Variants in TNRC6A observed in about 807,000 individuals in gnomAD.
TNRC6A encodes trinucleotide repeat containing adaptor 6A.
Under a neutral mutation model 221.2 loss-of-function variants are expected in TNRC6A, and 44 were observed. The ratio of observed to expected loss-of-function variants is 0.20; its 90% CI spans 0.16 to 0.26. TNRC6A has a LOEUF of 0.26. Ranked by LOEUF, TNRC6A falls within the 10% of genes least tolerant of loss-of-function variation. The pLI is 1.00. For synonymous variants in TNRC6A, 847 were observed against 838.5 expected, an observed-to-expected ratio of 1.01 and a Z score of -0.18; for missense variants, 2,199 against 2,404.4, an observed-to-expected ratio of 0.91 and a Z score of 1.79.
upstream of TNRC6A, among the ~76,000 whole-genome samples, chr16:24,727,134 A>T (rs2056505675): frequency 6.8e-6 from 1 of 147,980 alleles, no homozygotes; most frequent in African/African-American, 2.5e-5. Context: ...GGTTCAAGCG[A>T]TTCTCCTGCC....
intron 4 of TNRC6A, among the ~76,000 whole-genome samples, chr16:24,772,888 T>A (rs1349078509): frequency 6.6e-6 from 1 of 152,238 alleles, no homozygotes; most frequent in Non-Finnish European, 1.5e-5. Flanking sequence ...CTATGTAAAC[T>A]AGCTAATCTG....
intron 3 of TNRC6A, 29 bp from the exon 4 acceptor site, chr16:24,758,310 T>G (rs1195833322): frequency 1.3e-6 from 2 of 1,594,604 alleles, no homozygotes; most frequent in Non-Finnish European, 1.7e-6. Flanking sequence ...ATATTTACAT[T>G]GTTTTTTGTT....
intron 6 of TNRC6A, among the ~76,000 whole-genome samples, chr16:24,792,785 AT>A (rs34453471): frequency 0.24 from 28,976 of 120,360 alleles, 2,952 homozygotes; most frequent in African/African-American, 0.32. Context: ...TTGTGGCACA[AT>A]TTTTTTTTTT....
At chr16:24,758,957 A>G (rs1259249805) in intron 4 of TNRC6A, among the ~76,000 whole-genome samples, 2 of 152,138 alleles carry the variant, frequency 1.3e-5, no homozygotes, top group Non-Finnish European at 2.9e-5. Flanking sequence ...TCACCCTCCC[A>G]GGAGCTACTT....
At chr16:24,820,103 A>T in intron 21 of TNRC6A, 36 bp from the exon 22 acceptor site, 2 of 1,562,662 alleles carry the variant, frequency 1.3e-6, no homozygotes, top group African/African-American at 1.4e-5. Flanking sequence ...CTTAAACATT[A>T]TTCCTCCCCT....
chr16:24,722,583 G>T (rs1013562843), intron 2 of TNRC6A, among the ~76,000 whole-genome samples: 5 of 151,902 alleles, frequency 3.3e-5, no homozygotes, highest in Admixed American at 6.6e-5. Context: ...ACAGGCACCC[G>T]CCACCACACC....
intron 4 of TNRC6A, among the ~76,000 whole-genome samples, chr16:24,761,632 A>G (rs2057365797): frequency 6.6e-6 from 1 of 151,692 alleles, no homozygotes; most frequent in Non-Finnish European, 1.5e-5. Context: ...TGCGGCCTTG[A>G]ACTTTTGGGC....
chr16:24,794,879 A>G (rs1422429471), intron 8 of TNRC6A, among the ~76,000 whole-genome samples, 160 bp downstream of exon 8: 3 of 152,166 alleles, frequency 2.0e-5, no homozygotes, highest in African/African-American at 4.8e-5. Flanking sequence ...CTAGAGAAAC[A>G]TAAGAAAGAC....
chr16:24,646,212 T>C (rs751541113), intron 2 of TNRC6A, among the ~76,000 whole-genome samples: 4 of 152,194 alleles, frequency 2.6e-5, no homozygotes, highest in Non-Finnish European at 5.9e-5. Flanking sequence ...AAAACTTAAG[T>C]CACACTGCCA....
chr16:24,712,907 C>CTGTGTGTGTGTGTGTGTGTG (rs61198955), intron 2 of TNRC6A, among the ~76,000 whole-genome samples: 2 of 126,776 alleles, frequency 1.6e-5, no homozygotes, highest in East Asian at 3.0e-4. Flanking sequence ...TTATGTGCCA[C>CTGTGTGTGTGTGTGTGTGTG]TGTGTGTGTG....
intron 2 of TNRC6A, among the ~76,000 whole-genome samples, chr16:24,734,979 A>G (rs919652028): frequency 5.9e-5 from 9 of 152,344 alleles, no homozygotes; most frequent in East Asian, 3.9e-4. Flanking sequence ...GACAAATGCT[A>G]TATTAGAAAT....
At chr16:24,712,637 T>G (rs919178565) in intron 2 of TNRC6A, among the ~76,000 whole-genome samples, 2 of 152,252 alleles carry the variant, frequency 1.3e-5, no homozygotes, top group Non-Finnish European at 2.9e-5. Context: ...CATATCATTT[T>G]CCTTCTCTCT....
intron 1 of TNRC6A, among the ~76,000 whole-genome samples, chr16:24,635,225 C>G (rs1256026486): frequency 6.7e-6 from 1 of 149,340 alleles, no homozygotes; most frequent in African/African-American, 2.5e-5. Context: ...AACTCTATAC[C>G]CTTCATCTGG....
rs142941358 is a variant in TNRC6A, at chr16:24,672,464, C to G, written n.402+31455C>G. Among the ~76,000 whole-genome samples the G allele has an allele frequency of 8.7e-3, 1,320 of 151,564 alleles. 28 individuals carry two copies. The highest frequency in any genetic ancestry group is 0.01 in the Non-Finnish European group (690 of 67,892). ...TTTTACTTGTTTATTTTTTTTGAGA[C>G]AGGGTCTCACGAAGTCACCCAGGCT... is the stretch of plus-strand genomic sequence containing the variant. On this transcript the variant is annotated intron_variant and non_coding_transcript_variant, in intron 2 of 2. Coordinates refer to the TNRC6A transcript ENST00000566108.
intron 2 of TNRC6A, among the ~76,000 whole-genome samples, chr16:24,676,871 T>C (rs1477570291): frequency 6.6e-6 from 1 of 152,216 alleles, no homozygotes; most frequent in Non-Finnish European, 1.5e-5. Flanking sequence ...CTTTTATTTT[T>C]GCTTGTTCCT....
At chr16:24,666,632 T>A (rs572750934) in intron 2 of TNRC6A, among the ~76,000 whole-genome samples, 2 of 93,272 alleles carry the variant, frequency 2.1e-5, no homozygotes, top group South Asian at 8.7e-4. Flanking sequence ...CAAGACCCTG[T>A]CTTAGAGAAA....
chr16:24,819,394 A>T (rs1001123364), intron 21 of TNRC6A, among the ~76,000 whole-genome samples: 1 of 151,900 alleles, frequency 6.6e-6, no homozygotes, highest in Non-Finnish European at 1.5e-5. Flanking sequence ...GCTGCGAGGC[A>T]GTGTGTGTCA....
At chr16:24,646,270 A>G (rs1902283850) in intron 2 of TNRC6A, among the ~76,000 whole-genome samples, 1 of 152,162 alleles carries the variant, frequency 6.6e-6, no homozygotes, top group Non-Finnish European at 1.5e-5. Context: ...CCTTTGTTTC[A>G]AGAAAATCTT....
chr16:24,726,428 T>C (rs2056493653), upstream of TNRC6A, among the ~76,000 whole-genome samples: 1 of 150,840 alleles, frequency 6.6e-6, no homozygotes. Context: ...CAGGATGGCC[T>C]AGCAAAGAGA....
Sources: gnomAD v4.1 joint callset for allele counts (sites outside exome capture counted in the v4.1 genomes callset) on GRCh38, gnomAD v4.1.1 for gene constraint, MANE v1.5 for transcripts, NCBI Gene and HGNC (gene_info 2026-07-23, HGNC 2026-07-21) for gene names.